Variants in ABCC4 observed in about 807,000 individuals in gnomAD.
ABCC4 encodes the protein ATP-binding cassette sub-family C member 4.
ABCC4 carries 102 observed loss-of-function variants against 168.5 expected under a neutral mutation model. The ratio of observed to expected loss-of-function variants is 0.61; its 90% CI spans 0.52 to 0.71. The LOEUF (loss-of-function observed/expected upper bound fraction) is 0.71. ABCC4 is among the 30% of genes least tolerant of loss of function. The pLI is 0.00. For missense variants in ABCC4, 1,402 were observed against 1,605.8 expected, an observed-to-expected ratio of 0.87 and a Z score of 2.17; for synonymous variants, 617 against 590.7, an observed-to-expected ratio of 1.04 and a Z score of -0.65.
intron 4 of ABCC4, among the ~76,000 whole-genome samples, chr13:95,225,753 C>T (rs2039445984): frequency 6.8e-6 from 1 of 147,692 alleles, no homozygotes; most frequent in Non-Finnish European, 1.5e-5. Context: ...TTTTTAAATG[C>T]TAACAAATAT....
chr13:95,086,908 C>T (rs903877322), intron 20 of ABCC4, among the ~76,000 whole-genome samples: 2 of 152,166 alleles, frequency 1.3e-5, no homozygotes, highest in African/African-American at 4.8e-5. Context: ...AGGTTGCTAA[C>T]ACCTCACAGA....
At chr13:95,028,776 G>A (rs1454109631) in intron 30 of ABCC4, among the ~76,000 whole-genome samples, 1 of 151,922 alleles carries the variant, frequency 6.6e-6, no homozygotes, top group African/African-American at 2.4e-5. Context: ...TCATTCACCA[G>A]GAAAAAAACA....
At chr13:95,158,486 A>G (rs933976867) in intron 19 of ABCC4, among the ~76,000 whole-genome samples, 2 of 152,134 alleles carry the variant, frequency 1.3e-5, no homozygotes, top group African/African-American at 4.8e-5. Flanking sequence ...GCTTACTGGA[A>G]ACTACATGCC....
chr13:95,025,808 T>A (rs1307442499), intron 30 of ABCC4, among the ~76,000 whole-genome samples: 2 of 152,120 alleles, frequency 1.3e-5, no homozygotes, highest in Non-Finnish European at 2.9e-5. Flanking sequence ...AGCAGAATGA[T>A]CAGGCTGTGC....
chr13:95,244,596 TGAAAGAAAGAAAGAAA>T lies in ABCC4; in HGVS notation c.306+2363_306+2378del, dbSNP rs58076935. 3.2e-3 allele frequency among the ~76,000 whole-genome samples: 112 copies of T among 35,000 alleles called. 4 individuals are homozygous for T. The highest frequency in any genetic ancestry group is 6.7e-3 in the African/African-American group (39 of 5,794). 23.0% of individuals were successfully genotyped at this position (35,000 alleles called of 152,430 possible). ...AAAAACAAAATAAAATAAAATAACA[TGAAAGAAAGAAAGAAA>T]GAAAGAAAGAAAGAAAGAAAGAAAG... is the stretch of plus-strand genomic sequence containing the variant. On this transcript the variant is annotated intron_variant, in intron 3 of 30. Transcript: ENST00000645237.
At chr13:95,238,384 A>T (rs1479055933) in intron 3 of ABCC4, among the ~76,000 whole-genome samples, 1 of 152,054 alleles carries the variant, frequency 6.6e-6, no homozygotes, top group Non-Finnish European at 1.5e-5. Context: ...GGAGACTTAC[A>T]CGCTCACTGA....
intron 1 of ABCC4, among the ~76,000 whole-genome samples, chr13:95,285,119 A>G (rs2041227671): frequency 6.6e-6 from 1 of 152,132 alleles, no homozygotes; most frequent in Non-Finnish European, 1.5e-5. Context: ...ATGGTGGCAC[A>G]TGCCTGCAAT....
chr13:95,294,288 G>A (rs963505668), intron 1 of ABCC4, among the ~76,000 whole-genome samples: 10 of 151,918 alleles, frequency 6.6e-5, no homozygotes, highest in East Asian at 3.9e-4. Flanking sequence ...GCTTGAACCC[G>A]GGAGGCAGAG....
At chr13:95,188,147 G>T (rs903605078) in intron 10 of ABCC4, among the ~76,000 whole-genome samples, 1 of 144,530 alleles carries the variant, frequency 6.9e-6, no homozygotes, top group Non-Finnish European at 1.5e-5. Context: ...ACAAAAAGAA[G>T]TTCCCACTTT....
chr13:95,244,646 A>AAGGAAGG (rs2040052017), intron 3 of ABCC4, among the ~76,000 whole-genome samples: 1 of 75,462 alleles, frequency 1.3e-5, no homozygotes, highest in African/African-American at 6.1e-5. Context: ...AGAAAGAAAG[A>AAGGAAGG]AAGAAAGAAA....
intron 19 of ABCC4, among the ~76,000 whole-genome samples, chr13:95,157,867 C>T (rs1245947448): frequency 1.3e-5 from 2 of 151,848 alleles, no homozygotes; most frequent in Non-Finnish European, 2.9e-5. Flanking sequence ...GTCAGGAGAT[C>T]GAGACCATCC....
At chr13:95,209,859 C>T (rs1299900047) in intron 5 of ABCC4, among the ~76,000 whole-genome samples, 2 of 152,334 alleles carry the variant, frequency 1.3e-5, no homozygotes, top group African/African-American at 4.8e-5. Context: ...ACTATCTTCA[C>T]TGATGAGCTG....
At chr13:95,292,592 A>G (rs1467164179) in intron 1 of ABCC4, among the ~76,000 whole-genome samples, 5 of 152,342 alleles carry the variant, frequency 3.3e-5, no homozygotes, top group Non-Finnish European at 5.9e-5. Context: ...AATTGCATGG[A>G]AAGAAAACTG....
rs188225575 is a variant in ABCC4, at chr13:95,051,971, T to C, written c.3456+1124A>G. On this transcript the variant is annotated intron_variant, in intron 27 of 30. Transcript: ENST00000645237. ...TGAGCCACCGGGCCTGGCCAATTTT[T>C]ATTTTTATTTATTTATTTATTTATT... 8.5e-3 allele frequency among the ~76,000 whole-genome samples: 1,298 copies of C among 151,850 alleles called. 15 individuals are homozygous for C. Among genetic ancestry groups the C allele is most frequent in the Non-Finnish European group, 0.012 (798 of 67,938 alleles).
chr13:95,300,497 A>G (rs921561233), intron 1 of ABCC4, among the ~76,000 whole-genome samples: 2 of 152,206 alleles, frequency 1.3e-5, no homozygotes, highest in African/African-American at 2.4e-5. Flanking sequence ...AAATAATAAT[A>G]GTGTTATTTT....
At chr13:95,137,817 G>A (rs2036188993) in intron 19 of ABCC4, among the ~76,000 whole-genome samples, 1 of 152,178 alleles carries the variant, frequency 6.6e-6, no homozygotes, top group African/African-American at 2.4e-5. Context: ...ACAAGACACA[G>A]GTCTTTGATC....
intron 19 of ABCC4, among the ~76,000 whole-genome samples, chr13:95,116,683 T>G (rs774551058): frequency 2.4e-4 from 37 of 152,196 alleles, no homozygotes; most frequent in Non-Finnish European, 5.4e-4. Flanking sequence ...GCATCGACTT[T>G]ATTTCCCGTC....
intron 3 of ABCC4, among the ~76,000 whole-genome samples, chr13:95,241,597 G>A (rs896741176): frequency 3.9e-5 from 6 of 152,082 alleles, no homozygotes; most frequent in African/African-American, 1.4e-4. Context: ...CTCCATGGAG[G>A]TGCACATAGG....
intron 8 of ABCC4, among the ~76,000 whole-genome samples, chr13:95,202,666 T>G (rs907507764): frequency 1.4e-5 from 2 of 147,814 alleles, no homozygotes; most frequent in African/African-American, 5.1e-5. Context: ...TTTTTTTTTT[T>G]TGAGATGGAG....
Sources: gnomAD v4.1 joint callset for allele counts (sites outside exome capture counted in the v4.1 genomes callset) on GRCh38, gnomAD v4.1.1 for gene constraint, MANE v1.5 for transcripts, NCBI Gene and HGNC (gene_info 2026-07-23, HGNC 2026-07-21) for gene names.